Variants in TTLL1 observed in about 807,000 individuals in gnomAD.
TTLL1 encodes polyglutamylase complex subunit TTLL1.
TTLL1 carries 33 observed loss-of-function variants against 47.8 expected under a neutral mutation model. That is an observed-to-expected ratio of 0.69 (90% CI 0.52 to 0.92). The LOEUF (loss-of-function observed/expected upper bound fraction) is 0.92. Ranked by LOEUF, TTLL1 falls within the 40% of genes least tolerant of loss-of-function variation. The probability of loss-of-function intolerance (pLI) is 0.00; values close to 1 mark genes in which losing one functional copy is unlikely to be tolerated. For synonymous variants in TTLL1, 225 were observed against 214.1 expected, an observed-to-expected ratio of 1.05 and a Z score of -0.45; for missense variants, 488 against 547.5, an observed-to-expected ratio of 0.89 and a Z score of 1.08.
At chr22:43,047,327 C>T (rs1926220401) in intron 9 of TTLL1, among the ~76,000 whole-genome samples, 1 of 152,172 alleles carries the variant, frequency 6.6e-6, no homozygotes, top group South Asian at 2.1e-4. Flanking sequence ...GCAGCATTCT[C>T]ACTCAAATGA....
chr22:43,041,796 G>A (rs1925704077), intron 10 of TTLL1, among the ~76,000 whole-genome samples: 1 of 152,148 alleles, frequency 6.6e-6, no homozygotes, highest in Non-Finnish European at 1.5e-5. Context: ...GATTACAGGT[G>A]TGAGCCACTG....
chr22:43,086,870 C>T (rs1332054381), intron 1 of TTLL1, among the ~76,000 whole-genome samples: 1 of 152,180 alleles, frequency 6.6e-6, no homozygotes, highest in Non-Finnish European at 1.5e-5. Context: ...ACACACAACA[C>T]TAACCATGTC....
intron 8 of TTLL1, among the ~76,000 whole-genome samples, chr22:43,059,112 C>A (rs950942036): frequency 6.6e-5 from 10 of 152,202 alleles, no homozygotes; most frequent in African/African-American, 1.9e-4. Context: ...GCCTCAGCCT[C>A]CCCAGTAGCT....
chr22:43,073,274 C>T lies in TTLL1; in HGVS notation c.113+2200G>A, dbSNP rs148740488. On this transcript the variant is annotated intron_variant, in intron 3 of 10. Coordinates refer to ENST00000266254, the MANE Select transcript of TTLL1 (RefSeq NM_012263.5). Reference sequence around the variant, plus strand: ...CTCCTGACCTCAGGTGATCCACCTGCCTGGGCATCCCAAGGTGCTGAGATT... The same window carrying T: ...CTCCTGACCTCAGGTGATCCACCTGTCTGGGCATCCCAAGGTGCTGAGATT... Among the ~76,000 whole-genome samples, 1,042 of 152,122 alleles carry T rather than the reference C, an allele frequency of 6.8e-3. 9 individuals carry two copies. Among genetic ancestry groups the T allele is most frequent in the African/African-American group, 0.024 (1,001 of 41,536 alleles).
intron 9 of TTLL1, among the ~76,000 whole-genome samples, chr22:43,048,731 G>C (rs1324129206): frequency 1.3e-5 from 2 of 151,370 alleles, no homozygotes; most frequent in African/African-American, 2.4e-5. Flanking sequence ...TGAGGTCCGG[G>C]TTCAAGACCA....
intron 1 of TTLL1, among the ~76,000 whole-genome samples, chr22:43,086,185 C>A (rs559540465): frequency 2.8e-4 from 43 of 152,312 alleles, no homozygotes; most frequent in South Asian, 4.1e-4. Context: ...ATTATCTCTC[C>A]TGGTTCACGT....
intron 5 of TTLL1, 115 bp from the exon 6 acceptor site, chr22:43,064,439 G>C: frequency 7.6e-7 from 1 of 1,308,404 alleles, no homozygotes; most frequent in Non-Finnish European, 1.0e-6. Flanking sequence ...AAATTAAAGA[G>C]TTTTGGCTGG....
intron 2 of TTLL1, among the ~76,000 whole-genome samples, chr22:43,077,573 G>C (rs560331554): frequency 2.0e-5 from 3 of 152,322 alleles, no homozygotes; most frequent in African/African-American, 7.2e-5. Flanking sequence ...TTCAGATGGA[G>C]AAACTGGCTG....
chr22:43,063,631 C>A (rs562380081), intron 7 of TTLL1, among the ~76,000 whole-genome samples, 182 bp downstream of exon 7: 1 of 151,766 alleles, frequency 6.6e-6, no homozygotes, highest in Non-Finnish European at 1.5e-5. Flanking sequence ...TGGTAATTTC[C>A]GTATTTTTTT....
chr22:43,086,591 A>C (rs1034270261), intron 1 of TTLL1, among the ~76,000 whole-genome samples: 1 of 152,200 alleles, frequency 6.6e-6, no homozygotes, highest in Non-Finnish European at 1.5e-5. Context: ...GGAGCACAGG[A>C]GACACATTTA....
chr22:43,058,092 C>T (rs1413415037), intron 8 of TTLL1, among the ~76,000 whole-genome samples: 1 of 151,922 alleles, frequency 6.6e-6, no homozygotes, highest in East Asian at 1.9e-4. Context: ...TACAGGCGCC[C>T]ACTACCACGC....
chr22:43,074,436 A>G (rs1928347273), intron 3 of TTLL1, among the ~76,000 whole-genome samples: 1 of 151,550 alleles, frequency 6.6e-6, no homozygotes, highest in Admixed American at 6.6e-5. Context: ...TCAAAAAAAA[A>G]AAAAAAAAAA....
intron 10 of TTLL1, among the ~76,000 whole-genome samples, chr22:43,045,470 A>ATT (rs57003421): frequency 0.31 from 33,926 of 108,028 alleles, 5,966 homozygotes; most frequent in Admixed American, 0.36. Context: ...TATTATACCC[A>ATT]TTTTTTTTTT....
intron 1 of TTLL1, among the ~76,000 whole-genome samples, chr22:43,080,487 C>A (rs1282333417): frequency 6.6e-6 from 1 of 152,130 alleles, no homozygotes; most frequent in Admixed American, 6.6e-5. Flanking sequence ...AATTTCTGAA[C>A]TGTATTACTT....
At chr22:43,072,466 TTCTC>T (rs1441382272) in intron 3 of TTLL1, among the ~76,000 whole-genome samples, 2 of 151,480 alleles carry the variant, frequency 1.3e-5, no homozygotes, top group African/African-American at 2.4e-5. Flanking sequence ...CATCTTTATT[TTCTC>T]TCTTTCTTTC....
chr22:43,077,403 C>T (rs1455625371), intron 2 of TTLL1, among the ~76,000 whole-genome samples: 1 of 152,182 alleles, frequency 6.6e-6, no homozygotes, highest in Non-Finnish European at 1.5e-5. Context: ...CACAAAGCCT[C>T]CCTGACCCTC....
At chr22:43,084,143 C>T (rs140201973) in intron 1 of TTLL1, among the ~76,000 whole-genome samples, 1 of 152,144 alleles carries the variant, frequency 6.6e-6, no homozygotes, top group Non-Finnish European at 1.5e-5. Flanking sequence ...TCTGAAAAAA[C>T]TCTAAACATA....
At chr22:43,076,549 A>G (rs1021540007) in intron 2 of TTLL1, among the ~76,000 whole-genome samples, 2 of 151,976 alleles carry the variant, frequency 1.3e-5, no homozygotes, top group African/African-American at 4.8e-5. Flanking sequence ...CAGGAGATTG[A>G]GACCATCCTG....
intron 5 of TTLL1, among the ~76,000 whole-genome samples, chr22:43,066,151 A>G (rs1369016958): frequency 6.9e-6 from 1 of 145,064 alleles, no homozygotes; most frequent in Non-Finnish European, 1.5e-5. Context: ...AGAGCGAGAC[A>G]CTGTCTCAAA....
Sources: allele counts gnomAD v4.1 joint callset (sites outside exome capture counted in the v4.1 genomes callset), GRCh38; gene constraint gnomAD v4.1.1; transcripts MANE v1.5; gene names NCBI Gene and HGNC (gene_info 2026-07-23, HGNC 2026-07-21).